CACNA2D1: variants seen among roughly 807,000 people sequenced by gnomAD.
The protein encoded by CACNA2D1 is calcium voltage-gated channel auxiliary subunit alpha2delta 1, also known as voltage-dependent calcium channel subunit alpha-2/delta-1.
In CACNA2D1, 53 loss-of-function variants were observed where a neutral mutation model predicts 171.5. That is an observed-to-expected ratio of 0.31 (90% CI 0.25 to 0.39). The LOEUF (loss-of-function observed/expected upper bound fraction) is 0.39, where lower values mean the gene tolerates loss of function less well. CACNA2D1 is among the 10% of genes least tolerant of loss of function. CACNA2D1 has a pLI of 1.00. For synonymous variants in CACNA2D1, 442 were observed against 443.1 expected, an observed-to-expected ratio of 1.00 and a Z score of 0.03; for missense variants, 903 against 1,299.8, an observed-to-expected ratio of 0.69 and a Z score of 4.69.
intron 3 of CACNA2D1, among the ~76,000 whole-genome samples, chr7:82,292,131 G>C (rs1811719706): frequency 6.6e-6 from 1 of 152,058 alleles, no homozygotes; most frequent in Admixed American, 6.6e-5. Flanking sequence ...GCTAAGCAAT[G>C]TAGTGTGCTG....
At chr7:82,018,864 A>G in intron 12 of CACNA2D1, among the ~76,000 whole-genome samples, 1 of 151,772 alleles carries the variant, frequency 6.6e-6, no homozygotes, top group East Asian at 1.9e-4. Flanking sequence ...CACGCCTGTA[A>G]TCCCAGCTAC....
intron 15 of CACNA2D1, among the ~76,000 whole-genome samples, chr7:82,011,254 C>T (rs1799738150): frequency 6.6e-6 from 1 of 152,038 alleles, no homozygotes; most frequent in Admixed American, 6.6e-5. Context: ...CTAAAATACA[C>T]TAATACTAAC....
chr7:82,284,615 C>T (rs1249396715), intron 3 of CACNA2D1, among the ~76,000 whole-genome samples: 1 of 152,188 alleles, frequency 6.6e-6, no homozygotes, highest in Admixed American at 6.5e-5. Context: ...ACTGAGTCCT[C>T]ACATGGCAGG....
intron 21 of CACNA2D1, among the ~76,000 whole-genome samples, chr7:81,987,819 T>C (rs1374298184): frequency 6.6e-6 from 1 of 152,062 alleles, no homozygotes; most frequent in Non-Finnish European, 1.5e-5. Flanking sequence ...TGTATGGTGA[T>C]GGAAGTGGCA....
intron 3 of CACNA2D1, among the ~76,000 whole-genome samples, chr7:82,227,354 G>T (rs12533129): frequency 6.6e-6 from 1 of 152,162 alleles, no homozygotes; most frequent in Admixed American, 6.5e-5. Flanking sequence ...GAAAGAAATA[G>T]AAAATAAATT....
chr7:82,299,384 G>A (rs1234244460), intron 3 of CACNA2D1, among the ~76,000 whole-genome samples: 1 of 151,994 alleles, frequency 6.6e-6, no homozygotes, highest in Non-Finnish European at 1.5e-5. Context: ...AGAATGGCTG[G>A]GTGCGGTGGC....
intron 31 of CACNA2D1, among the ~76,000 whole-genome samples, chr7:81,966,311 A>T (rs1429103422): frequency 6.6e-6 from 1 of 151,700 alleles, no homozygotes; most frequent in Non-Finnish European, 1.5e-5. Flanking sequence ...ATCACAAATA[A>T]AAACATGGTT....
intron 25 of CACNA2D1, among the ~76,000 whole-genome samples, chr7:81,972,205 T>C (rs1795353232): frequency 6.6e-6 from 1 of 151,388 alleles, no homozygotes; most frequent in Admixed American, 6.6e-5. Flanking sequence ...TTCCCAACCA[T>C]CATAATTTTA....
chr7:82,403,012 G>A (rs886579589), intron 1 of CACNA2D1, among the ~76,000 whole-genome samples: 2 of 152,088 alleles, frequency 1.3e-5, no homozygotes, highest in Non-Finnish European at 2.9e-5. Flanking sequence ...GAAAAACCTG[G>A]TAGCCAACTA....
chr7:82,328,602 TG>T (rs2129443203), intron 3 of CACNA2D1, among the ~76,000 whole-genome samples: 1 of 152,356 alleles, frequency 6.6e-6, no homozygotes, highest in East Asian at 1.9e-4. Flanking sequence ...CTGCTTTTTC[TG>T]GAATCATCCT....
intron 3 of CACNA2D1, among the ~76,000 whole-genome samples, chr7:82,285,323 A>G (rs1408362891): frequency 6.6e-6 from 1 of 151,796 alleles, no homozygotes; most frequent in Non-Finnish European, 1.5e-5. Context: ...TCAGGCCCCA[A>G]ATCCTTTGAA....
intron 6 of CACNA2D1, among the ~76,000 whole-genome samples, chr7:82,110,005 C>A (rs1335027772): frequency 1.3e-5 from 2 of 152,120 alleles, no homozygotes; most frequent in Non-Finnish European, 2.9e-5. Flanking sequence ...AAAATTCTAG[C>A]GTTTGGAGGC....
At chr7:82,203,048 C>T (rs60216784) in intron 3 of CACNA2D1, among the ~76,000 whole-genome samples, 1 of 152,002 alleles carries the variant, frequency 6.6e-6, no homozygotes, top group Admixed American at 6.5e-5. Context: ...CCCGGTCCCC[C>T]CTAGGTGCTT....
rs869125211 is a variant in CACNA2D1, at chr7:82,111,444, A to ATTTT, written c.526+5596_526+5599dup. ...TATATGTGTGTATATATATATATAT[A>ATTTT]TTTTTTTTTTTTTTTTTTTTTGAGA... On this transcript the variant is annotated intron_variant, in intron 6 of 38. Coordinates refer to ENST00000356860, the MANE Select transcript of CACNA2D1 (RefSeq NM_000722.4). 2.4e-4 allele frequency among the ~76,000 whole-genome samples: 17 copies of ATTTT among 69,968 alleles called. 1 individual carries two copies. Among genetic ancestry groups the ATTTT allele is most frequent in the African/African-American group, 9.5e-4 (14 of 14,718 alleles). The allele number at this position is 69,968 out of a possible 152,430, so 45.9% of individuals were successfully genotyped here.
chr7:82,365,133 G>A (rs2129447621), intron 1 of CACNA2D1, among the ~76,000 whole-genome samples: 1 of 152,210 alleles, frequency 6.6e-6, no homozygotes, highest in African/African-American at 2.4e-5. Context: ...GGGAGAAGTG[G>A]GGAAGACAGT....
chr7:82,315,965 GTT>G (rs532782453), intron 3 of CACNA2D1, among the ~76,000 whole-genome samples: 1 of 147,696 alleles, frequency 6.8e-6, no homozygotes, highest in Non-Finnish European at 1.5e-5. Context: ...GTCACCAGGT[GTT>G]TTTTTTTTAA....
At chr7:81,981,036 T>C (rs1462114201) in intron 24 of CACNA2D1, among the ~76,000 whole-genome samples, 8 of 152,152 alleles carry the variant, frequency 5.3e-5, no homozygotes, top group African/African-American at 1.7e-4. Flanking sequence ...AGATATAATA[T>C]AGGATTAAAT....
intron 4 of CACNA2D1, among the ~76,000 whole-genome samples, chr7:82,141,280 C>T (rs1792350001): frequency 6.6e-6 from 1 of 151,964 alleles, no homozygotes; most frequent in Admixed American, 6.6e-5. Flanking sequence ...AGATGATTCA[C>T]ACCAAATCAA....
intron 6 of CACNA2D1, among the ~76,000 whole-genome samples, chr7:82,094,271 T>C (rs1811593854): frequency 6.6e-6 from 1 of 152,084 alleles, no homozygotes; most frequent in South Asian, 2.1e-4. Flanking sequence ...TCTCAGAAAT[T>C]GAACTACAGA....
Sources: gnomAD v4.1 joint callset for allele counts (sites outside exome capture counted in the v4.1 genomes callset) on GRCh38, gnomAD v4.1.1 for gene constraint, MANE v1.5 for transcripts, NCBI Gene and HGNC (gene_info 2026-07-23, HGNC 2026-07-21) for gene names.